CDH18: variants seen among roughly 807,000 people sequenced by gnomAD.
The protein encoded by CDH18 is cadherin-18.
A neutral mutation model predicts 67.9 loss-of-function variants in CDH18; 31 were observed. The ratio of observed to expected loss-of-function variants is 0.46; its 90% CI spans 0.34 to 0.62. CDH18 has a LOEUF of 0.62. Ranked by LOEUF, CDH18 falls within the 20% of genes least tolerant of loss-of-function variation. The probability of loss-of-function intolerance (pLI) is 0.01; values close to 1 mark genes in which losing one functional copy is unlikely to be tolerated. For missense variants in CDH18, 890 were observed against 975.5 expected, an observed-to-expected ratio of 0.91 and a Z score of 1.17; for synonymous variants, 362 against 347.2, an observed-to-expected ratio of 1.04 and a Z score of -0.48.
At chr5:19,983,511 C>T (rs374006005) in intron 1 of CDH18, among the ~76,000 whole-genome samples, 4 of 152,068 alleles carry the variant, frequency 2.6e-5, no homozygotes, top group South Asian at 2.1e-4. Flanking sequence ...CATTGAAGGA[C>T]GTTGATTAAA....
intron 9 of CDH18, among the ~76,000 whole-genome samples, chr5:19,539,620 T>A (rs983803894): frequency 6.6e-6 from 1 of 151,876 alleles, no homozygotes; most frequent in South Asian, 2.1e-4. Context: ...ATAAGACATA[T>A]CTGAGGCTGG....
intron 2 of CDH18, among the ~76,000 whole-genome samples, chr5:20,028,115 T>G (rs1163938288): frequency 2.6e-5 from 4 of 152,020 alleles, no homozygotes; most frequent in Non-Finnish European, 5.9e-5. Context: ...TTTTTTTTTT[T>G]GCAAACATAA....
At chr5:20,248,007 AATT>A (rs1743518312) in intron 2 of CDH18, among the ~76,000 whole-genome samples, 1 of 152,174 alleles carries the variant, frequency 6.6e-6, no homozygotes, top group Admixed American at 6.5e-5. Flanking sequence ...TCTAATAAAT[AATT>A]ATTTTACTTT....
intron 9 of CDH18, among the ~76,000 whole-genome samples, chr5:19,524,762 C>T (rs1177642247): frequency 6.6e-6 from 1 of 151,680 alleles, no homozygotes; most frequent in Non-Finnish European, 1.5e-5. Context: ...TCTTTTTTTT[C>T]TGAGATGGAG....
chr5:20,360,414 C>T (rs375555405), intron 1 of CDH18, among the ~76,000 whole-genome samples: 2 of 152,100 alleles, frequency 1.3e-5, no homozygotes, highest in South Asian at 2.1e-4. Context: ...TAAGTAAACA[C>T]GTTTGATATG....
chr5:20,322,474 A>G (rs1251647775), intron 1 of CDH18, among the ~76,000 whole-genome samples: 2 of 152,020 alleles, frequency 1.3e-5, no homozygotes, highest in East Asian at 1.9e-4. Flanking sequence ...TAGTAACTCT[A>G]TGACATTGGA....
chr5:20,564,927 A>G (rs1758415744), intron 1 of CDH18, among the ~76,000 whole-genome samples: 2 of 152,362 alleles, frequency 1.3e-5, no homozygotes, highest in South Asian at 4.1e-4. Flanking sequence ...GCAAAACTTT[A>G]TATATCACAT....
At chr5:20,184,302 A>C (rs2126694970) in intron 2 of CDH18, among the ~76,000 whole-genome samples, 1 of 152,232 alleles carries the variant, frequency 6.6e-6, no homozygotes, top group African/African-American at 2.4e-5. Context: ...CAGCAGCAGT[A>C]CTATTCTTAA....
intron 6 of CDH18, among the ~76,000 whole-genome samples, chr5:19,609,554 C>T (rs1748616646): frequency 6.6e-6 from 1 of 151,982 alleles, no homozygotes; most frequent in South Asian, 2.1e-4. Flanking sequence ...CTCTCTAACA[C>T]TTACTCAAAG....
intron 1 of CDH18, among the ~76,000 whole-genome samples, chr5:20,544,822 T>C (rs1757252634): frequency 6.6e-6 from 1 of 152,126 alleles, no homozygotes; most frequent in African/African-American, 2.4e-5. Flanking sequence ...TTGAAGCCAA[T>C]CATGCCTTCC....
chr5:19,893,770 T>A (rs1789015758), intron 2 of CDH18, among the ~76,000 whole-genome samples: 1 of 152,140 alleles, frequency 6.6e-6, no homozygotes, highest in Non-Finnish European at 1.5e-5. Context: ...TTATTTTTGC[T>A]CACCTAAATT....
At chr5:19,675,557 C>T (rs1256144079) in intron 5 of CDH18, among the ~76,000 whole-genome samples, 1 of 152,104 alleles carries the variant, frequency 6.6e-6, no homozygotes, top group Non-Finnish European at 1.5e-5. Context: ...AAATATGGCT[C>T]TGTTCCGCCT....
At chr5:20,342,946 A>G (rs1740393895) in intron 1 of CDH18, among the ~76,000 whole-genome samples, 1 of 152,040 alleles carries the variant, frequency 6.6e-6, no homozygotes, top group South Asian at 2.1e-4. Flanking sequence ...CAGAAGATAT[A>G]CCCTTCACCA....
chr5:19,650,531 G>A (rs1755419849), intron 5 of CDH18, among the ~76,000 whole-genome samples: 1 of 151,970 alleles, frequency 6.6e-6, no homozygotes, highest in African/African-American at 2.4e-5. Flanking sequence ...TGAGCTAATG[G>A]AGATAAAGAG....
chr5:19,996,317 T>C (rs1243096304), intron 2 of CDH18, among the ~76,000 whole-genome samples: 1 of 152,084 alleles, frequency 6.6e-6, no homozygotes, highest in Non-Finnish European at 1.5e-5. Context: ...TTCAGTAAAT[T>C]ATCAGCATTA....
intron 3 of CDH18, among the ~76,000 whole-genome samples, chr5:19,780,553 T>A (rs1223067067): frequency 6.6e-6 from 1 of 152,138 alleles, no homozygotes; most frequent in Non-Finnish European, 1.5e-5. Flanking sequence ...GGAAATCCTT[T>A]ACACTGCTTC....
At chr5:19,693,640 T>C (rs926341587) in intron 5 of CDH18, among the ~76,000 whole-genome samples, 6 of 152,286 alleles carry the variant, frequency 3.9e-5, no homozygotes, top group Non-Finnish European at 8.8e-5. Context: ...CTCATGCCTG[T>C]AATCCCAACA....
chr5:19,781,523 T>A (rs1453767147), intron 3 of CDH18, among the ~76,000 whole-genome samples: 1 of 152,152 alleles, frequency 6.6e-6, no homozygotes, highest in African/African-American at 2.4e-5. Flanking sequence ...AGGCACTATG[T>A]AAGAGTTAAA....
chr5:20,126,123 T>C (rs1422778879), intron 2 of CDH18, among the ~76,000 whole-genome samples: 2 of 152,046 alleles, frequency 1.3e-5, no homozygotes, highest in South Asian at 2.1e-4. Context: ...GGCATACAGA[T>C]TGATGGAACA....
Sources: allele counts gnomAD v4.1 joint callset (sites outside exome capture counted in the v4.1 genomes callset), GRCh38; gene constraint gnomAD v4.1.1; transcripts MANE v1.5; gene names NCBI Gene and HGNC (gene_info 2026-07-23, HGNC 2026-07-21).